MAP4: variants seen among roughly 807,000 people sequenced by gnomAD.
MAP4 encodes the protein microtubule-associated protein 4.
In MAP4, 76 loss-of-function variants were observed where a neutral mutation model predicts 170.2. That is an observed-to-expected ratio of 0.45 (90% CI 0.37 to 0.54). MAP4 has a LOEUF of 0.54. MAP4 is among the 20% of genes least tolerant of loss of function. The probability of loss-of-function intolerance (pLI) is 0.00; values close to 1 mark genes in which losing one functional copy is unlikely to be tolerated. For synonymous variants in MAP4, 909 were observed against 994.5 expected (o/e 0.91, Z 1.62); for missense variants, 2,506 against 2,748.0 (o/e 0.91, Z 1.97).
intron 9 of MAP4, among the ~76,000 whole-genome samples, chr3:47,904,582 TA>T (rs1442576393): frequency 7.0e-6 from 1 of 142,978 alleles, no homozygotes; most frequent in Non-Finnish European, 1.5e-5. Context: ...CTATTATTAT[TA>T]ACACCCGGAT....
At chr3:47,903,695 CA>C (rs1253390873) in intron 9 of MAP4, among the ~76,000 whole-genome samples, 5 of 152,172 alleles carry the variant, frequency 3.3e-5, no homozygotes, top group African/African-American at 1.2e-4. Flanking sequence ...AACAGTAGAG[CA>C]AACAGTAAGC....
intron 2 of MAP4, among the ~76,000 whole-genome samples, chr3:47,979,272 A>G (rs1055542224): frequency 5.3e-5 from 8 of 151,998 alleles, no homozygotes; most frequent in Admixed American, 1.3e-4. Context: ...ATAATTAGGT[A>G]ATTAGGTAAT....
intron 3 of MAP4, among the ~76,000 whole-genome samples, chr3:47,931,327 C>T (rs1404898472): frequency 6.6e-6 from 1 of 152,054 alleles, no homozygotes; most frequent in Non-Finnish European, 1.5e-5. Flanking sequence ...GCTGCAGTCA[C>T]CTGTGATCAC....
At chr3:47,994,078 C>T (rs1028488463) in intron 2 of MAP4, among the ~76,000 whole-genome samples, 3 of 151,990 alleles carry the variant, frequency 2.0e-5, no homozygotes, top group Non-Finnish European at 4.4e-5. Flanking sequence ...TTGGTAGCAA[C>T]AAAAAATTAA....
At chr3:47,875,654 T>A in intron 12 of MAP4, 31 bp downstream of exon 12, 2 of 1,580,790 alleles carry the variant, frequency 1.3e-6, no homozygotes, top group Non-Finnish European at 1.7e-6. Context: ...GGAACAATTT[T>A]CCTCGGCACA....
In MAP4 at chr3:47,975,792, CT is replaced by C. The variant is rs146740524; in HGVS notation, c.292+2072del. On this transcript the variant is annotated intron_variant, in intron 3 of 20. Coordinates refer to ENST00000683076, the MANE Select transcript of MAP4 (RefSeq NM_001385682.1). ...AACATGCATATTTTCAGTAAAGTAT[CT>C]TTTTTTTTTTTTTTGAGACGGAGTC... Among the ~76,000 whole-genome samples, 420 of 142,852 alleles carry C rather than the reference CT, an allele frequency of 2.9e-3. 1 individual carries two copies. Among genetic ancestry groups the C allele is most frequent in the South Asian group, 0.011 (51 of 4,488 alleles). 93.7% of individuals were successfully genotyped at this position (142,852 alleles called of 152,430 possible).
intron 3 of MAP4, among the ~76,000 whole-genome samples, chr3:47,969,872 AAG>A (rs2100077537): frequency 6.6e-6 from 1 of 152,132 alleles, no homozygotes; most frequent in Admixed American, 6.5e-5. Context: ...AAAAAAAAAA[AAG>A]AGTCTTAAGC....
At chr3:48,059,449 A>G (rs1445468997) in intron 1 of MAP4, among the ~76,000 whole-genome samples, 2 of 127,832 alleles carry the variant, frequency 1.6e-5, no homozygotes, top group African/African-American at 3.0e-5. Flanking sequence ...TGGGAGGTGG[A>G]GGTTACAGTG....
chr3:47,923,787 A>T (rs1267816020), intron 4 of MAP4, among the ~76,000 whole-genome samples: 1 of 152,126 alleles, frequency 6.6e-6, no homozygotes, highest in African/African-American at 2.4e-5. Flanking sequence ...ACTGAGCTAC[A>T]GCCTGGGTGA....
intron 1 of MAP4, among the ~76,000 whole-genome samples, chr3:48,002,306 A>G (rs1400348131): frequency 6.6e-6 from 1 of 151,808 alleles, no homozygotes. Context: ...CACACCTGTA[A>G]TCCCAGCACT....
chr3:48,016,640 C>T (rs1316512096), upstream of MAP4, among the ~76,000 whole-genome samples: 1 of 152,176 alleles, frequency 6.6e-6, no homozygotes, highest in Non-Finnish European at 1.5e-5. Flanking sequence ...ATTCTTAATA[C>T]CTAACCCCTC....
At chr3:47,904,676 G>A (rs1430077939) in intron 9 of MAP4, among the ~76,000 whole-genome samples, 3 of 141,372 alleles carry the variant, frequency 2.1e-5, no homozygotes, top group African/African-American at 7.9e-5. Flanking sequence ...GAGGGGCGGG[G>A]CGGGGGATGG....
At chr3:47,940,491 A>G (rs1454754618) in intron 3 of MAP4, among the ~76,000 whole-genome samples, 1 of 152,222 alleles carries the variant, frequency 6.6e-6, no homozygotes, top group African/African-American at 2.4e-5. Flanking sequence ...AGTAGAAAAA[A>G]TACTTACCAC....
At chr3:47,868,009 G>A (rs1043115873) in intron 16 of MAP4, among the ~76,000 whole-genome samples, 1 of 152,194 alleles carries the variant, frequency 6.6e-6, no homozygotes, top group Non-Finnish European at 1.5e-5. Flanking sequence ...TAGTATTTTT[G>A]ACTCAAGGGT....
At chr3:48,034,286 A>G (rs2100117647) in intron 1 of MAP4, among the ~76,000 whole-genome samples, 1 of 152,220 alleles carries the variant, frequency 6.6e-6, no homozygotes, top group African/African-American at 2.4e-5. Context: ...TAATTTTATC[A>G]AAAAGCTTTT....
Position 47,951,479 on chromosome 3 carries a change from G to A in MAP4, c.293-23129C>T, listed in dbSNP as rs561515545. On this transcript the variant is annotated intron_variant, in intron 3 of 20. Coordinates refer to ENST00000683076, the MANE Select transcript of MAP4 (RefSeq NM_001385682.1). ...ATTCTCCTGTCTCAGCCTGCCTAGT[G>A]CCTGCGATTGCAGACGCGCGCCGCC... is the stretch of plus-strand genomic sequence containing the variant. Among the ~76,000 whole-genome samples the A allele has an allele frequency of 2.6e-5, 4 of 152,306 alleles. No individual in the cohort carries two copies. In the East Asian group the frequency reaches 7.7e-4, roughly 29 times the overall value.
At chr3:47,982,634 G>C (rs1161094306) in intron 2 of MAP4, among the ~76,000 whole-genome samples, 1 of 152,082 alleles carries the variant, frequency 6.6e-6, no homozygotes, top group Admixed American at 6.6e-5. Flanking sequence ...TCAGAATTCT[G>C]AGTATGTGAC....
At chr3:47,975,985 T>G (rs1292666436) in intron 3 of MAP4, among the ~76,000 whole-genome samples, 2 of 152,186 alleles carry the variant, frequency 1.3e-5, no homozygotes, top group African/African-American at 4.8e-5. Flanking sequence ...AGATGGGGTT[T>G]CACCATATTG....
chr3:47,922,576 A>C (rs201670321), intron 4 of MAP4, among the ~76,000 whole-genome samples: 5 of 150,526 alleles, frequency 3.3e-5, no homozygotes, highest in East Asian at 1.9e-4. Context: ...AAAAAAAAAA[A>C]CCAACAAGTA....
Sources: allele counts gnomAD v4.1 joint callset (sites outside exome capture counted in the v4.1 genomes callset), GRCh38; gene constraint gnomAD v4.1.1; transcripts MANE v1.5; gene names NCBI Gene and HGNC (gene_info 2026-07-23, HGNC 2026-07-21).